Variants in SNX25 observed in about 807,000 individuals in gnomAD.
SNX25 encodes the protein sorting nexin-25.
A neutral mutation model predicts 113.7 loss-of-function variants in SNX25; 62 were observed. The observed-to-expected ratio is 0.55, with a 90% CI of 0.44 to 0.67. The LOEUF (loss-of-function observed/expected upper bound fraction) is 0.67, where lower values mean the gene tolerates loss of function less well. Among genes scored for constraint, SNX25 ranks in the 30% least tolerant of loss-of-function variants. The pLI is 0.00. For synonymous variants in SNX25, 421 were observed against 436.2 expected (o/e 0.97, Z 0.43); for missense variants, 1,014 against 1,161.0 (o/e 0.87, Z 1.84).
chr4:185,356,558 G>A (rs1321238231), intron 15 of SNX25, among the ~76,000 whole-genome samples: 11 of 152,088 alleles, frequency 7.2e-5, no homozygotes, highest in Non-Finnish European at 1.2e-4. Flanking sequence ...TTTACGTGAA[G>A]AATTCATACT....
Position 185,210,370 on chromosome 4 carries a change from G to C in SNX25, c.429+115G>C. The C allele has an allele frequency of 2.0e-6, 2 of 976,582 alleles. No individual in the cohort carries two copies. The highest frequency in any genetic ancestry group is 2.4e-6 in the Non-Finnish European group (2 of 823,940). The allele number at this position is 976,582 out of a possible 1,614,324, so 60.5% of individuals were successfully genotyped here. A position where few individuals can be genotyped will look rare whatever the true frequency, so the allele number is the denominator to read the frequency against. On this transcript the variant is annotated intron_variant, in intron 1 of 18. Coordinates refer to ENST00000652585, the MANE Select transcript of SNX25 (RefSeq NM_001378034.2). The surrounding 1 kb of genome is among the most constrained non-coding windows in gnomAD (Gnocchi z 4.4). ...CATGCCCTTGTCGAAGCGGGAAGCCGGGAGCCAGGGGGCTGGGCTGCGGGC... is the reference window on the plus strand; with the variant it reads ...CATGCCCTTGTCGAAGCGGGAAGCCCGGAGCCAGGGGGCTGGGCTGCGGGC...
intron 8 of SNX25, 40 bp from the exon 9 acceptor site, chr4:185,323,488 A>G: frequency 3.9e-6 from 6 of 1,553,666 alleles, no homozygotes; most frequent in Non-Finnish European, 5.2e-6. Flanking sequence ...TCTCTCAGAG[A>G]TGATATGTCT....
At chr4:185,239,857 A>G (rs1743397078) in intron 1 of SNX25, among the ~76,000 whole-genome samples, 1 of 147,772 alleles carries the variant, frequency 6.8e-6, no homozygotes, top group African/African-American at 2.5e-5. Flanking sequence ...AGTGGAGGGA[A>G]GGTCAGCAGA....
At chr4:185,247,478 A>G (rs1745025789) in intron 2 of SNX25, 100 bp downstream of exon 2, 1 of 911,148 alleles carries the variant, frequency 1.1e-6, no homozygotes, top group Non-Finnish European at 1.7e-6. Flanking sequence ...TCTTGTCTGC[A>G]TGTAGTGTTA....
intron 15 of SNX25, 34 bp from the exon 16 acceptor site, chr4:185,357,637 G>C (rs770584001): frequency 7.6e-6 from 12 of 1,568,784 alleles, no homozygotes; most frequent in Non-Finnish European, 1.1e-5. Flanking sequence ...GTGATGCCCT[G>C]TGATAAAAAG....
intron 2 of SNX25, 55 bp from the exon 3 acceptor site, chr4:185,258,793 C>G: frequency 7.0e-7 from 1 of 1,429,502 alleles, no homozygotes. Context: ...GAAATGCAGT[C>G]TTGGTGTTTG....
chr4:185,342,202 CT>C, intron 12 of SNX25, 86 bp downstream of exon 12: 1 of 1,389,350 alleles, frequency 7.2e-7, no homozygotes, highest in African/African-American at 1.5e-5. Flanking sequence ...GATTAATCTT[CT>C]TCCTTTGCTG....
In SNX25 at chr4:185,362,049, A is replaced by T; in HGVS notation, c.2777A>T (p.Glu926Val). 2.5e-6 allele frequency: 4 copies of T among 1,614,128 alleles called. No individual in the cohort carries two copies. In the South Asian group the frequency reaches 4.4e-5, roughly 18 times the overall value. Residue 926 changes from glutamate (E) to valine (V), a missense_variant, in exon 17 of 19, where the codon GAG becomes GTG. By Grantham distance (121) the Glu-to-Val change is moderately radical. Coordinates refer to ENST00000652585, the MANE Select transcript of SNX25 (RefSeq NM_001378034.2). ...CCACCGACCACAATCAGAAGCAAAGAGCAAAGTCAGGAAACAAAACAGAGA... is the reference window on the plus strand; with the variant it reads ...CCACCGACCACAATCAGAAGCAAAGTGCAAAGTCAGGAAACAAAACAGAGA... ...LAPPTTIRSK[E>V]QSQETKQRAQ...
chr4:185,305,232 G>GC (rs945293153), intron 6 of SNX25, among the ~76,000 whole-genome samples: 2 of 152,120 alleles, frequency 1.3e-5, no homozygotes, highest in African/African-American at 4.8e-5. Flanking sequence ...ACACAGGACA[G>GC]CCCCCCACAG....
At chr4:185,269,285 A>G (rs1421234015) in intron 5 of SNX25, among the ~76,000 whole-genome samples, 2 of 151,964 alleles carry the variant, frequency 1.3e-5, no homozygotes, top group Non-Finnish European at 2.9e-5. Context: ...CCCAAACTCT[A>G]GTTGTAGGGA....
rs766310152 is a variant in SNX25, at chr4:185,267,170, A to G, written c.1091+15A>G. 3.7e-6 allele frequency: 6 copies of G among 1,609,480 alleles called. No individual in the cohort carries two copies. The highest frequency in any genetic ancestry group is 1.3e-5 in the African/African-American group (1 of 74,676). Reference sequence around the variant, plus strand: ...AAGCAACTAAGGTATTTGGTCTTCAATTATAGCACAGCAACAGCTACTGAT... The same window carrying G: ...AAGCAACTAAGGTATTTGGTCTTCAGTTATAGCACAGCAACAGCTACTGAT... On this transcript the variant is annotated intron_variant, in intron 5 of 18. Transcript: ENST00000652585.
intron 6 of SNX25, among the ~76,000 whole-genome samples, chr4:185,301,712 A>G (rs1288558): frequency 0.6 from 90,471 of 150,880 alleles, 27,456 homozygotes; most frequent in East Asian, 0.77. Context: ...TCAGACTCCT[A>G]AGTAGCTGGG....
intron 1 of SNX25, among the ~76,000 whole-genome samples, chr4:185,219,080 T>A (rs1739360508): frequency 6.6e-6 from 1 of 152,146 alleles, no homozygotes; most frequent in Non-Finnish European, 1.5e-5. Context: ...GTCCCTGTGC[T>A]ATGCCGCCAC....
chr4:185,258,965 A>G lies in SNX25; in HGVS notation c.632A>G (p.His211Arg). 2 of 1,614,202 alleles carry G rather than the reference A, an allele frequency of 1.2e-6. No homozygotes were observed. The highest frequency in any genetic ancestry group is 1.7e-6 in the Non-Finnish European group (2 of 1,180,020). ...TTTTGGGAAATTGCCAGACAGCTGC[A>G]CCACAGACTGAGTCACGTGGATGTG... ...EDFWEIARQL[H>R]HRLSHVDVVK... Residue 211 changes from histidine (H) to arginine (R), a missense_variant, in exon 3 of 19, where the codon CAC (histidine) becomes CGC (arginine). Transcript: ENST00000652585.
chr4:185,225,668 G>C (rs1211484236), intron 1 of SNX25, among the ~76,000 whole-genome samples: 1 of 152,160 alleles, frequency 6.6e-6, no homozygotes, highest in Non-Finnish European at 1.5e-5. Context: ...AATGGGTAGA[G>C]CTAAACTTAA....
At chr4:185,258,185 G>A (rs1021019313) in intron 2 of SNX25, among the ~76,000 whole-genome samples, 1 of 152,196 alleles carries the variant, frequency 6.6e-6, no homozygotes, top group Non-Finnish European at 1.5e-5. Context: ...TGGTGAAGAA[G>A]CTTGAGCAGA....
intron 1 of SNX25, among the ~76,000 whole-genome samples, chr4:185,243,758 T>C (rs1208105220): frequency 2.0e-5 from 3 of 152,160 alleles, no homozygotes; most frequent in Non-Finnish European, 4.4e-5. Context: ...TATGTTTGCA[T>C]GTTACATGTA....
intron 5 of SNX25, among the ~76,000 whole-genome samples, chr4:185,282,558 A>G (rs1449928328): frequency 6.6e-6 from 1 of 152,188 alleles, no homozygotes; most frequent in African/African-American, 2.4e-5. Flanking sequence ...TCAGAAACAC[A>G]AACTTGCTCT....
chr4:185,218,330 G>T (rs559553566), intron 1 of SNX25, among the ~76,000 whole-genome samples: 1 of 152,318 alleles, frequency 6.6e-6, no homozygotes, highest in East Asian at 1.9e-4. Context: ...GGCGATCCGT[G>T]CCCCTTGGCC....
Sources: gnomAD v4.1 joint callset for allele counts (sites outside exome capture counted in the v4.1 genomes callset) on GRCh38, gnomAD v4.1.1 for gene constraint, Gnocchi (gnomAD v3.1) non-coding constraint, MANE v1.5 for transcripts, NCBI Gene and HGNC (gene_info 2026-07-23, HGNC 2026-07-21) for gene names.